Variants in DCTN4 observed in about 807,000 individuals in gnomAD.
DCTN4 encodes dynactin 4 (p62).
A neutral mutation model predicts 62.7 loss-of-function variants in DCTN4; 23 were observed. The observed-to-expected ratio is 0.37, with a 90% CI of 0.26 to 0.52. DCTN4 has a LOEUF of 0.52. Among genes scored for constraint, DCTN4 ranks in the 20% least tolerant of loss-of-function variants. The probability of loss-of-function intolerance (pLI) is 0.92; values close to 1 mark genes in which losing one functional copy is unlikely to be tolerated. For synonymous variants in DCTN4, 199 were observed against 202.1 expected (o/e 0.98, Z 0.13); for missense variants, 514 against 580.4 (o/e 0.89, Z 1.18).
chr5:150,733,587 G>A, intron 4 of DCTN4, 112 bp from the exon 5 acceptor site: 2 of 642,660 alleles, frequency 3.1e-6, no homozygotes, highest in Non-Finnish European at 4.9e-6. Flanking sequence ...TTATTAAGAT[G>A]GGCAAGTTTG....
At chr5:150,744,774 A>T (rs1561706176) in intron 3 of DCTN4, among the ~76,000 whole-genome samples, 1 of 152,224 alleles carries the variant, frequency 6.6e-6, no homozygotes. Flanking sequence ...CTGCCCTAAA[A>T]GAGCTCCTGA....
At chr5:150,753,013 C>A (rs1184950711) in intron 3 of DCTN4, among the ~76,000 whole-genome samples, 1 of 152,016 alleles carries the variant, frequency 6.6e-6, no homozygotes, top group Non-Finnish European at 1.5e-5. Flanking sequence ...ACTACAGGTG[C>A]CCCCACCACG....
intron 8 of DCTN4, among the ~76,000 whole-genome samples, chr5:150,726,717 T>A (rs545955842): frequency 3.5e-4 from 54 of 152,296 alleles, no homozygotes; most frequent in African/African-American, 1.3e-3. Flanking sequence ...TTCCTTGGAT[T>A]TGTACTTTGT....
intron 3 of DCTN4, among the ~76,000 whole-genome samples, chr5:150,747,305 G>C (rs970538072): frequency 1.3e-5 from 2 of 152,194 alleles, no homozygotes; most frequent in African/African-American, 4.8e-5. Context: ...CAAACAAATG[G>C]AAGAACATTC....
At chr5:150,718,448 C>A in intron 10 of DCTN4, 65 bp from the exon 11 acceptor site, 1 of 1,098,892 alleles carries the variant, frequency 9.1e-7, no homozygotes, top group South Asian at 1.5e-5. Context: ...CCGAATATTT[C>A]GCAAAATTAC....
chr5:150,747,217 G>C (rs1303250569), intron 3 of DCTN4, among the ~76,000 whole-genome samples: 6 of 152,118 alleles, frequency 3.9e-5, no homozygotes, highest in Non-Finnish European at 5.9e-5. Context: ...AAATACTTAG[G>C]AATCCAACTT....
At chr5:150,711,469 GA>G in intron 12 of DCTN4, 107 bp from the exon 13 acceptor site, 2 of 861,230 alleles carry the variant, frequency 2.3e-6, no homozygotes. Context: ...AGCACACACA[GA>G]AAACCTATAA....
At chr5:150,728,137 A>T (rs982396993) in intron 8 of DCTN4, among the ~76,000 whole-genome samples, 1 of 152,212 alleles carries the variant, frequency 6.6e-6, no homozygotes, top group Non-Finnish European at 1.5e-5. Context: ...TGTATTTAAG[A>T]GTACTAAATG....
rs1759538684 is a variant in DCTN4, at chr5:150,710,981, AC to A, written c.*167del. ...GGTGAGAGCAAGAGCAACAGCAGCT[AC>A]CCTGTGTTCCCAATGCCTTGCCTAT... On this transcript the variant is annotated 3_prime_UTR_variant, in exon 13 of 13. Transcript: ENST00000447998. 7 of 659,980 alleles carry A rather than the reference AC, an allele frequency of 1.1e-5. No homozygotes were observed. The South Asian group carries it at 1.3e-4, about 13-fold the overall frequency. 40.9% of individuals were successfully genotyped at this position (659,980 alleles called of 1,614,324 possible).
chr5:150,714,990 T>C (rs1759702399), intron 12 of DCTN4, among the ~76,000 whole-genome samples: 1 of 152,220 alleles, frequency 6.6e-6, no homozygotes, highest in Non-Finnish European at 1.5e-5. Context: ...TTTTTCACTT[T>C]TTAAGTTACA....
chr5:150,748,051 GGC>G, intron 3 of DCTN4, among the ~76,000 whole-genome samples: 1 of 150,578 alleles, frequency 6.6e-6, no homozygotes, highest in Non-Finnish European at 1.5e-5. Flanking sequence ...TCTGACAAAG[GGC>G]TAAGATCCAG....
intron 8 of DCTN4, among the ~76,000 whole-genome samples, chr5:150,728,419 G>A (rs959690440): frequency 6.6e-6 from 1 of 152,076 alleles, no homozygotes; most frequent in African/African-American, 2.4e-5. Flanking sequence ...ATTTGGTCAA[G>A]TTTGCTAGAT....
chr5:150,720,481 ATTTT>A (rs57503750), intron 9 of DCTN4, among the ~76,000 whole-genome samples: 2 of 139,400 alleles, frequency 1.4e-5, no homozygotes, highest in Non-Finnish European at 3.2e-5. Flanking sequence ...AGAGCTCTGT[ATTTT>A]TTTTTTTTTT....
intron 9 of DCTN4, among the ~76,000 whole-genome samples, 181 bp downstream of exon 9, chr5:150,722,726 T>C (rs1759997435): frequency 6.6e-6 from 1 of 152,214 alleles, no homozygotes; most frequent in Non-Finnish European, 1.5e-5. Context: ...TGAATCTATT[T>C]ATCTTAAACT....
intron 8 of DCTN4, among the ~76,000 whole-genome samples, chr5:150,723,814 A>G (rs1760038363): frequency 1.3e-5 from 2 of 152,172 alleles, no homozygotes. Context: ...TTTTTTCACA[A>G]TAACACAAAA....
chr5:150,750,683 C>T (rs182539158), intron 3 of DCTN4, among the ~76,000 whole-genome samples: 2 of 152,176 alleles, frequency 1.3e-5, no homozygotes, highest in East Asian at 3.9e-4. Context: ...TTTTCATTTG[C>T]TTAAAAGTGA....
At chr5:150,750,955 C>G (rs1752649399) in intron 3 of DCTN4, among the ~76,000 whole-genome samples, 1 of 152,086 alleles carries the variant, frequency 6.6e-6, no homozygotes, top group Non-Finnish European at 1.5e-5. Flanking sequence ...GACATTGTAT[C>G]CTCTTGCAAG....
intron 9 of DCTN4, among the ~76,000 whole-genome samples, 195 bp downstream of exon 9, chr5:150,722,712 C>T (rs1759997090): frequency 6.6e-6 from 1 of 152,160 alleles, no homozygotes; most frequent in African/African-American, 2.4e-5. Flanking sequence ...GATCCCAATA[C>T]CCCTGAATCT....
At chr5:150,711,554 G>A (rs1484052874) in intron 12 of DCTN4, among the ~76,000 whole-genome samples, 192 bp from the exon 13 acceptor site, 5 of 152,136 alleles carry the variant, frequency 3.3e-5, no homozygotes, top group Non-Finnish European at 7.4e-5. Context: ...CGCCCAGGCT[G>A]GAGTGCAATG....
Sources: gnomAD v4.1 joint callset for allele counts (sites outside exome capture counted in the v4.1 genomes callset) on GRCh38, gnomAD v4.1.1 for gene constraint, MANE v1.5 for transcripts, NCBI Gene and HGNC (gene_info 2026-07-23, HGNC 2026-07-21) for gene names.